Variants in ZFHX3 observed in about 807,000 individuals in gnomAD.
ZFHX3 encodes zinc finger homeobox protein 3.
Under a neutral mutation model 279.1 loss-of-function variants are expected in ZFHX3, and 42 were observed. The ratio of observed to expected loss-of-function variants is 0.15; its 90% CI spans 0.12 to 0.19. The LOEUF is 0.19. ZFHX3 is among the 10% of genes least tolerant of loss of function. The probability of loss-of-function intolerance (pLI) is 1.00; values close to 1 mark genes in which losing one functional copy is unlikely to be tolerated. For missense variants in ZFHX3, 4,981 were observed against 4,754.0 expected, an observed-to-expected ratio of 1.05 and a Z score of -1.40; for synonymous variants, 2,293 against 1,957.8, an observed-to-expected ratio of 1.17 and a Z score of -4.52.
intron 3 of ZFHX3, among the ~76,000 whole-genome samples, chr16:73,417,396 CTTTT>C (rs57283343): frequency 2.5e-5 from 3 of 118,770 alleles, no homozygotes; most frequent in Non-Finnish European, 5.0e-5. Context: ...TTTTTCTTTT[CTTTT>C]TTTTTTTTTT....
intron 3 of ZFHX3, among the ~76,000 whole-genome samples, chr16:73,337,324 A>G (rs2015932821): frequency 6.6e-6 from 1 of 152,034 alleles, no homozygotes; most frequent in Non-Finnish European, 1.5e-5. Flanking sequence ...CGTTCTGGCG[A>G]CTGTTTTGCC....
intron 1 of ZFHX3, among the ~76,000 whole-genome samples, chr16:73,023,799 G>T (rs1252468169): frequency 6.6e-6 from 1 of 152,168 alleles, no homozygotes. Context: ...GAGAAAGGCT[G>T]CAACGACCAC....
chr16:73,073,840 T>C (rs1159094784), intron 8 of ZFHX3, among the ~76,000 whole-genome samples: 1 of 152,194 alleles, frequency 6.6e-6, no homozygotes, highest in Non-Finnish European at 1.5e-5. Context: ...GATAACTCCG[T>C]TGGTCAATGA....
intron 1 of ZFHX3, among the ~76,000 whole-genome samples, chr16:73,036,326 AGATGCG>A (rs1411468194): frequency 2.0e-5 from 3 of 152,264 alleles, no homozygotes; most frequent in African/African-American, 4.8e-5. Context: ...AAAGCTGCAC[AGATGCG>A]GAAGGCCGGT....
chr16:73,527,682 A>G (rs1383194280), intron 2 of ZFHX3, among the ~76,000 whole-genome samples: 1 of 151,980 alleles, frequency 6.6e-6, no homozygotes, highest in Non-Finnish European at 1.5e-5. Context: ...CAGGGCCCTC[A>G]CTCTGGAGGA....
At chr16:73,305,052 A>G (rs139664622) in intron 4 of ZFHX3, among the ~76,000 whole-genome samples, 53 of 147,944 alleles carry the variant, frequency 3.6e-4, no homozygotes, top group African/African-American at 1.3e-3. Context: ...AATGACAGAG[A>G]CCACAAATAA....
At chr16:73,024,944 A>T (rs1597105622) in intron 1 of ZFHX3, among the ~76,000 whole-genome samples, 1 of 151,812 alleles carries the variant, frequency 6.6e-6, no homozygotes, top group South Asian at 2.1e-4. Context: ...CCAACACAAT[A>T]CCCCTCGGCC....
intron 1 of ZFHX3, among the ~76,000 whole-genome samples, chr16:73,736,368 G>A (rs776870377): frequency 1.3e-4 from 20 of 152,146 alleles, no homozygotes; most frequent in Admixed American, 5.2e-4. Context: ...CAACAAATCC[G>A]TTATTCTAAC....
rs2143292176 is a variant in ZFHX3, at chr16:72,788,024, A to T, written c.10252T>A (p.Ser3418Thr). 6.2e-7 allele frequency: 1 copy of T among 1,603,618 alleles called. No homozygotes were observed. The highest frequency in any genetic ancestry group is 8.5e-7 in the Non-Finnish European group (1 of 1,176,574). Residue 3418 changes from serine (S) to threonine (T), a missense_variant, in exon 10 of 10, where the codon TCC (serine) becomes ACC (threonine). This residue lies in a region of ZFHX3 where 1,034 missense variants were observed against 786.0 expected (regional missense o/e 1.32). Transcript: ENST00000268489. ...TTTTTCTGTTCTTCTGGTTTGGGGG[A>T]TTCTTTGGCAGGGTCTTTGTCTGGG... ...PSPDKDPAKE[S>T]PKPEEQKNTP... is the part of the protein sequence containing the mutation.
chr16:73,100,343 C>A (rs1248073645), intron 7 of ZFHX3, among the ~76,000 whole-genome samples: 1 of 152,168 alleles, frequency 6.6e-6, no homozygotes. Flanking sequence ...AACAAATAAA[C>A]ATCAGCCACT....
At chr16:73,694,114 G>A (rs1449153744) in intron 1 of ZFHX3, among the ~76,000 whole-genome samples, 1 of 151,948 alleles carries the variant, frequency 6.6e-6, no homozygotes, top group African/African-American at 2.4e-5. Flanking sequence ...CTTGAGGTCA[G>A]GAGTTCAAGA....
intron 3 of ZFHX3, among the ~76,000 whole-genome samples, chr16:73,433,875 G>A (rs889716253): frequency 6.6e-6 from 1 of 152,342 alleles, no homozygotes; most frequent in East Asian, 1.9e-4. Flanking sequence ...CAGAGTAAAA[G>A]CCAGAGAGGA....
rs370116556 is a variant in ZFHX3, at chr16:72,964,132, C to T, written c.-49-3938G>A. ...GCAGTGAATACCGCCTTCCTACAGGCGACCAGGCAGCATACATCAAAGGCC... is the reference window on the plus strand; with the variant it reads ...GCAGTGAATACCGCCTTCCTACAGGTGACCAGGCAGCATACATCAAAGGCC... On this transcript the variant is annotated intron_variant, in intron 1 of 9. Coordinates refer to ENST00000268489, the MANE Select transcript of ZFHX3 (RefSeq NM_006885.4). Among the ~76,000 whole-genome samples the T allele has an allele frequency of 5.9e-5, 9 of 152,276 alleles. No homozygotes were observed. The East Asian group carries it at 9.7e-4, about 16-fold the overall frequency.
intron 2 of ZFHX3, among the ~76,000 whole-genome samples, chr16:72,952,834 C>A (rs962111215): frequency 1.3e-5 from 2 of 152,142 alleles, no homozygotes; most frequent in Non-Finnish European, 2.9e-5. Flanking sequence ...CCCTCCAGTT[C>A]CTAGAAGCGT....
chr16:73,064,149 A>T (rs1438522302), upstream of ZFHX3, among the ~76,000 whole-genome samples: 2 of 152,072 alleles, frequency 1.3e-5, no homozygotes, highest in Non-Finnish European at 2.9e-5. Flanking sequence ...TCGAAATGAC[A>T]GAGAGAAAAG....
chr16:73,882,174 G>C (rs1317923344), intron 1 of ZFHX3, among the ~76,000 whole-genome samples: 1 of 152,044 alleles, frequency 6.6e-6, no homozygotes, highest in Non-Finnish European at 1.5e-5. Context: ...TATTACAGTA[G>C]GACTGTTTGT....
At chr16:73,400,243 C>T (rs925359073) in intron 3 of ZFHX3, 2 of 152,172 alleles carry the variant, frequency 1.3e-5, no homozygotes, top group Non-Finnish European at 2.9e-5. Context: ...TTCTCATAAG[C>T]AAGTTTCCGC....
intron 1 of ZFHX3, among the ~76,000 whole-genome samples, chr16:73,799,885 G>A (rs148981190): frequency 1.1e-4 from 17 of 151,836 alleles, no homozygotes; most frequent in Middle Eastern, 3.4e-3. Context: ...TGCACATAAC[G>A]TACACGAATA....
At chr16:73,448,257 CA>C (rs1246138807) in intron 3 of ZFHX3, among the ~76,000 whole-genome samples, 1 of 152,230 alleles carries the variant, frequency 6.6e-6, no homozygotes, top group East Asian at 1.9e-4. Flanking sequence ...AGAGATGAAA[CA>C]CCCATCTGGG....
Sources: gnomAD v4.1 joint callset for allele counts (sites outside exome capture counted in the v4.1 genomes callset) on GRCh38, gnomAD v4.1.1 for gene constraint, gnomAD v4.1.1 regional missense constraint, MANE v1.5 for transcripts, NCBI Gene and HGNC (gene_info 2026-07-23, HGNC 2026-07-21) for gene names.